Variants in NUP205 observed in about 807,000 individuals in gnomAD.
NUP205 encodes the protein nucleoporin 205, also known as nuclear pore complex protein Nup205.
Under a neutral mutation model 253.8 loss-of-function variants are expected in NUP205, and 76 were observed. The ratio of observed to expected loss-of-function variants is 0.30; its 90% CI spans 0.25 to 0.36. The LOEUF (loss-of-function observed/expected upper bound fraction) is 0.36. NUP205 is among the 10% of genes least tolerant of loss of function. The probability of loss-of-function intolerance (pLI) is 1.00; values close to 1 mark genes in which losing one functional copy is unlikely to be tolerated. For missense variants in NUP205, 2,162 were observed against 2,425.5 expected (o/e 0.89, Z 2.28); for synonymous variants, 832 against 850.1 (o/e 0.98, Z 0.37).
chr7:135,593,664 A>G (rs1456801098), intron 12 of NUP205, among the ~76,000 whole-genome samples: 1 of 152,212 alleles, frequency 6.6e-6, no homozygotes, highest in East Asian at 1.9e-4. Flanking sequence ...CCCAACTCAG[A>G]AATATCTTTT....
intron 1 of NUP205, among the ~76,000 whole-genome samples, chr7:135,567,183 T>C (rs1255375159): frequency 8.9e-6 from 1 of 112,326 alleles, no homozygotes; most frequent in Non-Finnish European, 1.8e-5. Context: ...TATATATATG[T>C]ATATATGGTC....
At chr7:135,558,427 C>T (rs1329524921) in intron 1 of NUP205, among the ~76,000 whole-genome samples, 3 of 152,172 alleles carry the variant, frequency 2.0e-5, no homozygotes, top group Non-Finnish European at 4.4e-5. Flanking sequence ...CGAATACTCC[C>T]TATTATGAAG....
intron 2 of NUP205, among the ~76,000 whole-genome samples, chr7:135,571,764 A>G (rs1806004314): frequency 2.1e-5 from 3 of 143,838 alleles, no homozygotes; most frequent in African/African-American, 5.4e-5. Flanking sequence ...ATTATTGGCT[A>G]TCACCCTGTC....
chr7:135,561,269 A>G (rs1317056388), intron 1 of NUP205, among the ~76,000 whole-genome samples: 1 of 152,080 alleles, frequency 6.6e-6, no homozygotes, highest in East Asian at 1.9e-4. Flanking sequence ...GCTTGAACCC[A>G]GGAGGAGGAG....
At chr7:135,598,276 G>A in intron 15 of NUP205, 69 bp downstream of exon 15, 1 of 1,329,446 alleles carries the variant, frequency 7.5e-7, no homozygotes, top group South Asian at 1.3e-5. Context: ...AAAGTATATG[G>A]TGCTAAATTC....
At position 135,637,789 on chromosome 7, in the gene NUP205, T is replaced by C. The variant is rs1330796603; in HGVS notation, c.5137-142T>C. 3 of 630,614 alleles carry C rather than the reference T, an allele frequency of 4.8e-6. No individual in the cohort carries two copies. The African/African-American group carries it at 5.7e-5, about 12-fold the overall frequency. 39.1% of individuals were successfully genotyped at this position (630,614 alleles called of 1,614,324 possible). On this transcript the variant is annotated intron_variant, in intron 36 of 42. Coordinates refer to ENST00000285968, the MANE Select transcript of NUP205 (RefSeq NM_015135.3). ...AAGTTGAATTTTAATAATGCTACTT[T>C]TAGTTGGCTCAGTTTTAAGTAAGAT...
chr7:135,600,377 C>A (rs1005640303), intron 15 of NUP205, among the ~76,000 whole-genome samples: 2 of 152,174 alleles, frequency 1.3e-5, no homozygotes, highest in African/African-American at 2.4e-5. Flanking sequence ...AAGGCCTGGG[C>A]TTGACTTTCA....
At chr7:135,580,735 T>C (rs1806281781) in intron 7 of NUP205, among the ~76,000 whole-genome samples, 1 of 152,144 alleles carries the variant, frequency 6.6e-6, no homozygotes, top group Non-Finnish European at 1.5e-5. Flanking sequence ...AGTGCTGGGA[T>C]TACAGGCGCG....
Position 135,573,835 on chromosome 7 carries a change from C to CATA in NUP205, c.343+12_343+13insAAT. 1 of 1,599,572 alleles carries CATA rather than the reference C, an allele frequency of 6.3e-7. No homozygotes were observed. Among genetic ancestry groups the CATA allele is most frequent in the Non-Finnish European group, 8.5e-7 (1 of 1,173,188 alleles). On this transcript the variant is annotated intron_variant, in intron 3 of 42. Coordinates refer to ENST00000285968, the MANE Select transcript of NUP205 (RefSeq NM_015135.3). ...GAGCTTCTTCTTGCTGGTAGGTTGA[C>CATA]ATTTAACTGAAACAGTGGTAAAATA...
intron 33 of NUP205, among the ~76,000 whole-genome samples, chr7:135,626,999 G>A (rs948162744): frequency 6.6e-6 from 1 of 152,170 alleles, no homozygotes; most frequent in African/African-American, 2.4e-5. Flanking sequence ...CTACAGAACT[G>A]TTTTACCTCC....
intron 8 of NUP205, among the ~76,000 whole-genome samples, chr7:135,587,359 G>A (rs185536839): frequency 7.9e-5 from 12 of 152,198 alleles, no homozygotes; most frequent in Admixed American, 7.9e-4. Flanking sequence ...CTTTTCTATA[G>A]TGGAAAATGC....
At chr7:135,589,515 C>T (rs142104829) in intron 10 of NUP205, among the ~76,000 whole-genome samples, 1,616 of 151,130 alleles carry the variant, frequency 0.011, 77 homozygotes, top group African/African-American at 0.037. Context: ...CTCGAACTCC[C>T]GACCTCAGGT....
intron 7 of NUP205, among the ~76,000 whole-genome samples, chr7:135,579,763 A>G (rs1238773410): frequency 6.6e-6 from 1 of 151,822 alleles, no homozygotes; most frequent in East Asian, 1.9e-4. Context: ...CTCCTGCCTC[A>G]GCTTCTTAAG....
chr7:135,635,553 ATGTTT>A (rs539078838), intron 35 of NUP205, 23 bp from the exon 36 acceptor site: 80 of 1,203,984 alleles, frequency 6.6e-5, no homozygotes, highest in Non-Finnish European at 8.4e-5. Context: ...TTATAATAAT[ATGTTT>A]TAAAGCATTC....
intron 1 of NUP205, among the ~76,000 whole-genome samples, chr7:135,570,556 T>A (rs1206945317): frequency 2.7e-5 from 4 of 150,142 alleles, no homozygotes; most frequent in African/African-American, 9.8e-5. Flanking sequence ...TAAAGTGATG[T>A]GTTTATATCA....
At chr7:135,593,773 A>T (rs998019895) in intron 12 of NUP205, among the ~76,000 whole-genome samples, 1 of 152,210 alleles carries the variant, frequency 6.6e-6, no homozygotes, top group Non-Finnish European at 1.5e-5. Flanking sequence ...ACTTAACATT[A>T]TTAGGCATCA....
At chr7:135,618,057 G>T (rs979394093) in intron 27 of NUP205, among the ~76,000 whole-genome samples, 1 of 151,692 alleles carries the variant, frequency 6.6e-6, no homozygotes, top group Admixed American at 6.6e-5. Context: ...AAAGCAAGAG[G>T]CAAAGAAATA....
In NUP205 at chr7:135,577,075, T is replaced by G. The variant is rs778448630; in HGVS notation, c.595T>G (p.Phe199Val). Residue 199 changes from phenylalanine to valine, a missense_variant, in exon 5 of 43, where the codon TTT (phenylalanine) becomes GTT (valine). Coordinates refer to ENST00000285968, the MANE Select transcript of NUP205 (RefSeq NM_015135.3). Reference sequence around the variant, plus strand: ...GTCACAGATTGATGTGAATAATGAGTTTGAGAAACTACAGCGAGAGAGAGG... The same window carrying G: ...GTCACAGATTGATGTGAATAATGAGGTTGAGAAACTACAGCGAGAGAGAGG... ...LVSQIDVNNE[F>V]EKLQRERGLG... 4.8e-5 allele frequency: 77 copies of G among 1,613,794 alleles called. No individual in the cohort carries two copies. Among genetic ancestry groups the G allele is most frequent in the Non-Finnish European group, 6.4e-5 (76 of 1,179,950 alleles).
In NUP205 at chr7:135,643,363, G is replaced by A. The variant is rs746027437; in HGVS notation, c.5559+5G>A. The A allele has an allele frequency of 8.7e-6, 14 of 1,612,062 alleles. No homozygotes were observed. Among genetic ancestry groups the A allele is most frequent in the East Asian group, 4.5e-5 (2 of 44,848 alleles). ...CCCCCAGATGAGATAAAAGAGGTAC[G>A]AATCTTATAATGAGCTGGGGGGACT... On this transcript the variant is annotated splice_donor_5th_base_variant and intron_variant, in intron 39 of 42. Coordinates refer to ENST00000285968, the MANE Select transcript of NUP205 (RefSeq NM_015135.3).
Sources: gnomAD v4.1 joint callset for allele counts (sites outside exome capture counted in the v4.1 genomes callset) on GRCh38, gnomAD v4.1.1 for gene constraint, MANE v1.5 for transcripts, NCBI Gene and HGNC (gene_info 2026-07-23, HGNC 2026-07-21) for gene names.